The following SBDS variants were observed in gnomAD, a reference collection of about 807,000 sequenced individuals.
SBDS encodes the protein SBDS ribosome maturation factor, also known as ribosome maturation protein SBDS.
In SBDS, 20 loss-of-function variants were observed where a neutral mutation model predicts 26.4. That is an observed-to-expected ratio of 0.76 (90% CI 0.53 to 1.10). The LOEUF is 1.10. SBDS is among the 50% of genes least tolerant of loss of function. SBDS has a pLI of 0.00. For missense variants in SBDS, 241 were observed against 302.0 expected (o/e 0.80, Z 1.50); for synonymous variants, 95 against 105.1 (o/e 0.90, Z 0.59).
chr7:66,995,541 G>A lies in SBDS; in HGVS notation c.-124C>T, dbSNP rs1032706368. The A allele has an allele frequency of 2.1e-6, 3 of 1,411,232 alleles. No homozygotes were observed. Among genetic ancestry groups the A allele is most frequent in the South Asian group, 1.2e-5 (1 of 82,932 alleles). The allele number at this position is 1,411,232 out of a possible 1,614,324, so 87.4% of individuals were successfully genotyped here. A position where few individuals can be genotyped will look rare whatever the true frequency, so the allele number is the denominator to read the frequency against. ...GCGGCACTGACCCAACCACCAGTGC[G>A]CGGCGCCGCGACTCACTAGCTTCAG... On this transcript the variant is annotated 5_prime_UTR_variant, in exon 1 of 5. Coordinates refer to ENST00000246868, the MANE Select transcript of SBDS (RefSeq NM_016038.4).
intron 1 of SBDS, among the ~76,000 whole-genome samples, chr7:66,994,607 G>T (rs984696785): frequency 1.3e-5 from 2 of 151,842 alleles, no homozygotes; most frequent in Non-Finnish European, 2.9e-5. Context: ...TGATTCTCCC[G>T]CCTCAGCCTC....
chr7:66,992,918 AC>A (rs2129232152), intron 3 of SBDS, among the ~76,000 whole-genome samples: 1 of 151,884 alleles, frequency 6.6e-6, no homozygotes, highest in Admixed American at 6.6e-5. Context: ...GAGGCAGGAG[AC>A]TTGCTTGAAC....
At chr7:66,992,863 T>C (rs1371780317) in intron 3 of SBDS, among the ~76,000 whole-genome samples, 3 of 151,816 alleles carry the variant, frequency 2.0e-5, no homozygotes, top group Non-Finnish European at 4.4e-5. Context: ...CAAAATTAGC[T>C]GAGTGTGGTG....
In SBDS at chr7:66,987,693, G is replaced by A. The variant is rs1792896820; in HGVS notation, c.*678C>T. 1 of 164,244 alleles carries A rather than the reference G, an allele frequency of 6.1e-6. No homozygotes were observed. The highest frequency in any genetic ancestry group is 2.4e-5 in the African/African-American group (1 of 41,724). The allele number at this position is 164,244 out of a possible 1,614,324, so 10.2% of individuals were successfully genotyped here. A position where few individuals can be genotyped will look rare whatever the true frequency, so the allele number is the denominator to read the frequency against. On this transcript the variant is annotated 3_prime_UTR_variant, in exon 5 of 5. Transcript: ENST00000246868. The stretch of plus-strand genomic sequence containing the variant: ...GTTAGGAAGTTGTCTAGAAACACAA[G>A]CCATAGTTTAATAAACATAAGAGTG...
Position 66,992,349 on chromosome 7 carries a change from A to G in SBDS, c.459+868T>C, listed in dbSNP as rs867277863. 2.0e-5 allele frequency among the ~76,000 whole-genome samples: 3 copies of G among 152,156 alleles called. No individual in the cohort carries two copies. In the South Asian group the frequency reaches 6.2e-4, roughly 31 times the overall value. On this transcript the variant is annotated intron_variant, in intron 3 of 4. Coordinates refer to ENST00000246868, the MANE Select transcript of SBDS (RefSeq NM_016038.4). The stretch of plus-strand genomic sequence containing the variant: ...AAATGGGGGATGGCTACTAATGGAT[A>G]CTGACTTTCTTTTTGTGGTGATGAA...
chr7:66,989,501 C>T (rs1294132226), intron 4 of SBDS, among the ~76,000 whole-genome samples: 15 of 151,944 alleles, frequency 9.9e-5, no homozygotes, highest in African/African-American at 1.7e-4. Flanking sequence ...GCTGAGATCA[C>T]GCCATTGCAC....
chr7:66,993,958 T>C (rs1793030111), intron 2 of SBDS, among the ~76,000 whole-genome samples: 2 of 141,106 alleles, frequency 1.4e-5, no homozygotes, highest in Non-Finnish European at 3.0e-5. Context: ...ATTCTATAAA[T>C]GGGGCAATTT....
At chr7:66,992,834 C>A (rs994852980) in intron 3 of SBDS, among the ~76,000 whole-genome samples, 1 of 151,934 alleles carries the variant, frequency 6.6e-6, no homozygotes, top group African/African-American at 2.4e-5. Flanking sequence ...ATGGTGAAAC[C>A]TCAACTCTAC....
rs1792902595 is a variant in SBDS, at chr7:66,987,973, TTTC to T, written c.*395_*397del. 3 of 262,920 alleles carry T rather than the reference TTTC, an allele frequency of 1.1e-5. No individual in the cohort carries two copies. The highest frequency in any genetic ancestry group is 9.8e-5 in the Admixed American group (2 of 20,490). The allele number at this position is 262,920 out of a possible 1,614,324, so 16.3% of individuals were successfully genotyped here. On this transcript the variant is annotated 3_prime_UTR_variant, in exon 5 of 5. Transcript: ENST00000246868. ...TAAGTAGAAATGAAGCATCATATGT[TTTC>T]TTTTTTAGGAAAGACCCCCCCTTTT...
In SBDS at chr7:66,994,035, A is replaced by AC. The variant is rs1441770783; in HGVS notation, c.258+176_258+177insG. Among the ~76,000 whole-genome samples the AC allele has an allele frequency of 5.6e-4, 83 of 147,844 alleles. 1 individual carries two copies. Among genetic ancestry groups the AC allele is most frequent in the Middle Eastern group, 3.5e-3 (1 of 288 alleles). On this transcript the variant is annotated intron_variant, in intron 2 of 4. Transcript: ENST00000246868. ...AGGTTTTGGCAAAAAAAAAAAAAAA[A>AC]AAACCACAAAAAACAAACAAAACCA...
Position 66,993,335 on chromosome 7 carries a change from A to G in SBDS, c.341T>C (p.Ile114Thr), listed in dbSNP as rs746547302. 1.4e-5 allele frequency: 23 copies of G among 1,614,148 alleles called. No homozygotes were observed. Among genetic ancestry groups the G allele is most frequent in the Non-Finnish European group, 1.9e-5 (22 of 1,180,006 alleles). ...LEQMFRDIAT[I>T]VADKCVNPET... Reference sequence around the variant, plus strand: ...AGGATTCACACATTTGTCTGCCACAATAGTTGCAATGTCCCTAAACATCTG... The same window carrying G: ...AGGATTCACACATTTGTCTGCCACAGTAGTTGCAATGTCCCTAAACATCTG... The change falls in exon 3 of 5, where the codon ATT becomes ACT. Residue 114 changes from isoleucine (I) to threonine (T), a missense_variant. Physicochemically the swap from Ile to Thr is moderately conservative, Grantham distance 89. Coordinates refer to ENST00000246868, the MANE Select transcript of SBDS (RefSeq NM_016038.4).
intron 1 of SBDS, 169 bp from the exon 2 acceptor site, chr7:66,994,510 C>G (rs1793052481): frequency 1.5e-6 from 1 of 667,112 alleles, no homozygotes; most frequent in Non-Finnish European, 2.6e-6. Flanking sequence ...AACCCCCGCC[C>G]CTAGATGGAA....
rs765402136 is a variant in SBDS, at chr7:66,991,278, T to G, written c.483A>C (p.Leu161Phe). 3 of 1,613,266 alleles carry G rather than the reference T, an allele frequency of 1.9e-6. No homozygotes were observed. In the South Asian group the frequency reaches 3.3e-5, roughly 18 times the overall value. ...CACGTTCTATCTTCATTTTCTCTTT[T>G]AACTGCTTTATCACTTCCAAAGCCT... ...KQQALEVIKQ[L>F]KEKMKIERAH... The change falls in exon 4 of 5, where the codon TTA (leucine) becomes TTC (phenylalanine). Residue 161 changes from leucine (L) to phenylalanine (F), a missense_variant. By Grantham distance (22) the Leu-to-Phe change is conservative. Transcript: ENST00000246868.
At chr7:66,992,645 T>C (rs1167841230) in intron 3 of SBDS, among the ~76,000 whole-genome samples, 2 of 151,998 alleles carry the variant, frequency 1.3e-5, no homozygotes, top group Non-Finnish European at 1.5e-5. Context: ...TTTTCCTCCA[T>C]CTCTTCCCCA....
rs544584268 is a variant in SBDS, at chr7:66,995,580, T to C, written c.-163A>G. ...CACTAGCTTCAGGCAGCCGTCACAG[T>C]GTGTCTGGCAGGCTTACTTACTGCG... is the stretch of plus-strand genomic sequence containing the variant. On this transcript the variant is annotated 5_prime_UTR_variant, in exon 1 of 5. Transcript: ENST00000246868. 2.3e-4 allele frequency: 236 copies of C among 1,020,590 alleles called. 1 individual carries two copies. Among genetic ancestry groups the C allele is most frequent in the African/African-American group, 8.1e-4 (51 of 62,788 alleles). 63.2% of individuals were successfully genotyped at this position (1,020,590 alleles called of 1,614,324 possible). A position where few individuals can be genotyped will look rare whatever the true frequency, so the allele number is the denominator to read the frequency against.
At chr7:66,995,213 C>T in intron 1 of SBDS, 77 bp downstream of exon 1, 2 of 1,597,028 alleles carry the variant, frequency 1.3e-6, no homozygotes, top group Non-Finnish European at 1.7e-6. Context: ...CCCATTCACT[C>T]GACTTGGGCA....
Position 66,988,095 on chromosome 7 carries a change from T to A in SBDS, c.*276A>T. On this transcript the variant is annotated 3_prime_UTR_variant, in exon 5 of 5. Coordinates refer to ENST00000246868, the MANE Select transcript of SBDS (RefSeq NM_016038.4). ...TCAAGTAACTTTCATTTTGGAAAGC[T>A]ATCAAGGCATGAGACAGAGTAGCAA... The A allele has an allele frequency of 2.2e-6, 1 of 448,846 alleles. No homozygotes were observed. The highest frequency in any genetic ancestry group is 4.1e-6 in the Non-Finnish European group (1 of 242,440). The allele number at this position is 448,846 out of a possible 1,614,324, so 27.8% of individuals were successfully genotyped here.
chr7:66,994,639 C>T (rs1246794369), intron 1 of SBDS, among the ~76,000 whole-genome samples: 1 of 152,170 alleles, frequency 6.6e-6, no homozygotes, highest in Non-Finnish European at 1.5e-5. Flanking sequence ...GGATTACAGG[C>T]ATGCGCCACC....
In SBDS at chr7:66,995,551, G is replaced by C. The variant is rs1242890449; in HGVS notation, c.-134C>G. The C allele has an allele frequency of 7.6e-7, 1 of 1,315,632 alleles. No individual in the cohort carries two copies. The highest frequency in any genetic ancestry group is 1.1e-6 in the Non-Finnish European group (1 of 937,080). 81.5% of individuals were successfully genotyped at this position (1,315,632 alleles called of 1,614,324 possible). ...CCCAACCACCAGTGCGCGGCGCCGC[G>C]ACTCACTAGCTTCAGGCAGCCGTCA... On this transcript the variant is annotated 5_prime_UTR_variant, in exon 1 of 5. Coordinates refer to ENST00000246868, the MANE Select transcript of SBDS (RefSeq NM_016038.4).
Sources: allele counts gnomAD v4.1 joint callset (sites outside exome capture counted in the v4.1 genomes callset), GRCh38; gene constraint gnomAD v4.1.1; transcripts MANE v1.5; gene names NCBI Gene and HGNC (gene_info 2026-07-23, HGNC 2026-07-21).